The following SPHKAP variants were observed in gnomAD, a reference collection of about 807,000 sequenced individuals.
SPHKAP encodes the protein SPHK1 interactor, AKAP domain containing.
SPHKAP carries 67 observed loss-of-function variants against 137.5 expected under a neutral mutation model. The ratio of observed to expected loss-of-function variants is 0.49; its 90% confidence interval spans 0.40 to 0.60. The LOEUF is 0.60. Among genes scored for constraint, SPHKAP ranks in the 20% least tolerant of loss-of-function variants. SPHKAP has a pLI of 0.00. For synonymous variants in SPHKAP, 813 were observed against 785.3 expected (o/e 1.04, Z -0.59); for missense variants, 2,097 against 2,069.3 (o/e 1.01, Z -0.26).
intron 1 of SPHKAP, among the ~76,000 whole-genome samples, chr2:228,172,500 G>C (rs1359418968): frequency 6.6e-6 from 1 of 152,102 alleles, no homozygotes; most frequent in Non-Finnish European, 1.5e-5. Context: ...TAGTGATAAG[G>C]GTCTTTGGAA....
intron 3 of SPHKAP, among the ~76,000 whole-genome samples, chr2:228,046,651 T>G (rs540636158): frequency 3.9e-5 from 6 of 152,304 alleles, no homozygotes; most frequent in Admixed American, 3.3e-4. Context: ...CTTTATTCCC[T>G]GAAGCACTCA....
At position 228,052,190 on chromosome 2, in the gene SPHKAP, GA is replaced by G. The variant is rs376532682; in HGVS notation, c.247-24648del. On this transcript the variant is annotated intron_variant, in intron 3 of 11. Coordinates refer to ENST00000392056, the MANE Select transcript of SPHKAP (RefSeq NM_001142644.2). ...GGGGATTTTCCAGAAAGAACAAAAAGAAAAAAAAAAGAGGAAATAATAAAAA... is the reference window on the plus strand; with the variant it reads ...GGGGATTTTCCAGAAAGAACAAAAAGAAAAAAAAAGAGGAAATAATAAAAA... Among the ~76,000 whole-genome samples the G allele has an allele frequency of 1.2e-4, 17 of 140,378 alleles. No homozygotes were observed. The South Asian group carries it at 2.5e-3, about 20-fold the overall frequency. 92.1% of individuals were successfully genotyped at this position (140,378 alleles called of 152,430 possible). A position where few individuals can be genotyped will look rare whatever the true frequency, so the allele number is the denominator to read the frequency against.
At chr2:228,113,777 A>C (rs551234376) in intron 2 of SPHKAP, among the ~76,000 whole-genome samples, 1 of 152,004 alleles carries the variant, frequency 6.6e-6, no homozygotes, top group African/African-American at 2.4e-5. Flanking sequence ...TCTGAAGGCC[A>C]CTTCTATACC....
chr2:228,016,690 G>C lies in SPHKAP; in HGVS notation c.4164C>G (p.Ser1388Arg), dbSNP rs1329034470. ...TGTGGTTTGTAAGAGAAGCAGTTTT[G>C]CTCAAAGATGACACTGGGGGCTGTT... ...ECKQPPVSSLSKTASLTNHSP... is the reference protein window; with the variant it reads ...ECKQPPVSSLRKTASLTNHSP... The change falls in exon 7 of 12, where the codon AGC becomes AGG. Residue 1388 changes from serine to arginine, a missense_variant. Coordinates refer to ENST00000392056, the MANE Select transcript of SPHKAP (RefSeq NM_001142644.2). 1 of 1,614,110 alleles carries C rather than the reference G, an allele frequency of 6.2e-7. No individual in the cohort carries two copies. The highest frequency in any genetic ancestry group is 1.7e-5 in the Admixed American group (1 of 60,020).
intron 11 of SPHKAP, among the ~76,000 whole-genome samples, chr2:227,987,938 C>T (rs1452109630): frequency 6.6e-6 from 1 of 152,278 alleles, no homozygotes. Context: ...ACCCTAGTGA[C>T]AGTGGGAAGA....
At chr2:228,028,018 C>G (rs1385136699) in intron 3 of SPHKAP, 1 of 984,644 alleles carries the variant, frequency 1.0e-6, no homozygotes, top group East Asian at 1.1e-4. Flanking sequence ...TTTTGAGCCT[C>G]CAAATAGCTC....
chr2:228,039,071 C>T (rs979840376), intron 3 of SPHKAP, among the ~76,000 whole-genome samples: 10 of 152,296 alleles, frequency 6.6e-5, no homozygotes, highest in East Asian at 1.9e-4. Context: ...ATAAAAGGTG[C>T]TAACATTTTT....
intron 1 of SPHKAP, chr2:228,173,013 T>G (rs1350823458): frequency 2.0e-6 from 2 of 984,940 alleles, no homozygotes; most frequent in Admixed American, 6.2e-5. Context: ...TAATGACCAC[T>G]GCAATAAACA....
intron 5 of SPHKAP, 45 bp downstream of exon 5, chr2:228,025,349 A>C (rs1157932724): frequency 6.2e-7 from 1 of 1,608,326 alleles, no homozygotes; most frequent in East Asian, 2.2e-5. Context: ...GTGCTGAGCT[A>C]ACTATAGATG....
At chr2:228,057,597 T>C (rs1696491134) in intron 3 of SPHKAP, among the ~76,000 whole-genome samples, 2 of 152,056 alleles carry the variant, frequency 1.3e-5, no homozygotes, top group African/African-American at 2.4e-5. Context: ...GGGCAAGGAC[T>C]GAGAAATGCA....
chr2:228,143,523 TCTCA>T (rs951177792), intron 1 of SPHKAP, among the ~76,000 whole-genome samples: 1 of 151,922 alleles, frequency 6.6e-6, no homozygotes, highest in African/African-American at 2.4e-5. Flanking sequence ...GAGATGGGGG[TCTCA>T]CTCTGTCGCC....
intron 1 of SPHKAP, among the ~76,000 whole-genome samples, chr2:228,135,516 G>T (rs762152440): frequency 2.2e-4 from 33 of 152,302 alleles, no homozygotes; most frequent in Non-Finnish European, 4.3e-4. Context: ...GAACTGCTGA[G>T]CTCATCTAAT....
At chr2:228,166,316 T>G (rs951693651) in intron 1 of SPHKAP, among the ~76,000 whole-genome samples, 2 of 152,202 alleles carry the variant, frequency 1.3e-5, no homozygotes, top group African/African-American at 4.8e-5. Context: ...CTAATTTCCC[T>G]TATATTATTT....
chr2:228,169,405 C>G (rs1391710236), intron 1 of SPHKAP, among the ~76,000 whole-genome samples: 1 of 152,102 alleles, frequency 6.6e-6, no homozygotes, highest in East Asian at 1.9e-4. Flanking sequence ...GAAGCTAATG[C>G]TCATTTACTG....
chr2:228,172,379 G>C (rs1402258354), intron 1 of SPHKAP, among the ~76,000 whole-genome samples: 1 of 152,170 alleles, frequency 6.6e-6, no homozygotes, highest in Admixed American at 6.5e-5. Context: ...TCTGGAGCTG[G>C]TCCATAGGAC....
chr2:227,992,918 T>C (rs1693468349), intron 9 of SPHKAP, among the ~76,000 whole-genome samples: 1 of 152,198 alleles, frequency 6.6e-6, no homozygotes, highest in Non-Finnish European at 1.5e-5. Context: ...AATAACCACA[T>C]ATTCTAGAAG....
Position 228,025,430 on chromosome 2 carries a change from G to A in SPHKAP, c.405C>T (p.Ala135=), listed in dbSNP as rs1559354470. The A allele has an allele frequency of 6.2e-7, 1 of 1,613,884 alleles. No homozygotes were observed. The highest frequency in any genetic ancestry group is 8.5e-7 in the Non-Finnish European group (1 of 1,179,918). The change falls in exon 5 of 12, where the codon GCC becomes GCT. Residue 135 remains alanine, a synonymous_variant. Transcript: ENST00000392056. ...CAAAATCTGCCTGGAGATTTCCAGA[G>A]GCTAACCCACTTAGGACAACAATTT... ...ENEIVVLSGL[A]SGNLQADFEV... is the part of the protein sequence containing the mutation.
intron 1 of SPHKAP, among the ~76,000 whole-genome samples, chr2:228,157,767 T>C (rs1454797788): frequency 1.3e-5 from 2 of 152,126 alleles, no homozygotes; most frequent in Non-Finnish European, 2.9e-5. Flanking sequence ...AATGCCTTCA[T>C]TGGAGAGTTT....
chr2:228,033,004 A>G (rs1225594729), intron 3 of SPHKAP, among the ~76,000 whole-genome samples: 1 of 152,224 alleles, frequency 6.6e-6, no homozygotes, highest in Non-Finnish European at 1.5e-5. Flanking sequence ...CATCATGATG[A>G]CAGGACCATA....
Sources: gnomAD v4.1 joint callset for allele counts (sites outside exome capture counted in the v4.1 genomes callset) on GRCh38, gnomAD v4.1.1 for gene constraint, MANE v1.5 for transcripts, NCBI Gene and HGNC (gene_info 2026-07-23, HGNC 2026-07-21) for gene names.